ZNF521: variants seen among roughly 807,000 people sequenced by gnomAD.
ZNF521 encodes LYST-interacting protein 3.
ZNF521 carries 14 observed loss-of-function variants against 105.5 expected under a neutral mutation model. The ratio of observed to expected loss-of-function variants is 0.13; its 90% confidence interval spans 0.09 to 0.21. ZNF521 has a LOEUF of 0.21. ZNF521 is among the 10% of genes least tolerant of loss of function. The pLI, the probability that ZNF521 is intolerant of heterozygous loss-of-function variation, is 1.00. For missense variants in ZNF521, 1,233 were observed against 1,629.7 expected, an observed-to-expected ratio of 0.76 and a Z score of 4.19; for synonymous variants, 635 against 606.0, an observed-to-expected ratio of 1.05 and a Z score of -0.70.
At chr18:25,265,293 T>C (rs1430765297) in intron 3 of ZNF521, among the ~76,000 whole-genome samples, 1 of 152,180 alleles carries the variant, frequency 6.6e-6, no homozygotes, top group African/African-American at 2.4e-5. Flanking sequence ...GAGGCCAAAG[T>C]AGAAGAGGAA....
intron 5 of ZNF521, among the ~76,000 whole-genome samples, chr18:25,187,207 T>A (rs1428696339): frequency 6.6e-6 from 1 of 152,194 alleles, no homozygotes; most frequent in Non-Finnish European, 1.5e-5. Flanking sequence ...GAATATTATT[T>A]TCTTAAAGTG....
chr18:25,073,931 T>C (rs1353416538), intron 7 of ZNF521, among the ~76,000 whole-genome samples: 2 of 151,572 alleles, frequency 1.3e-5, no homozygotes, highest in Admixed American at 6.6e-5. Flanking sequence ...CTATGGCATA[T>C]GCTTTGGTAA....
In ZNF521 at chr18:25,226,097, TA is replaced by T; in HGVS notation, c.1820del (p.Leu607HisfsTer6). ...ATGTCTGCTCTATGGCCACAGGAGA[TA>T]GGGGGCTTAAGGCCCTGGATTTCTT... Reference protein sequence around the residue: ...NGKKSRALSPLSPVAIEQTSL... With the variant: ...NGKKSRALSPXSPVAIEQTSL... On this transcript the variant is annotated frameshift_variant, in exon 4 of 8. Transcript: ENST00000361524. LOFTEE classifies it high-confidence loss of function. This position sits in a 1 kb window ranked among gnomAD's most constrained non-coding sequence, Gnocchi z 4.1. The T allele has an allele frequency of 6.2e-7, 1 of 1,614,160 alleles. No individual in the cohort carries two copies. Among genetic ancestry groups the T allele is most frequent in the Non-Finnish European group, 8.5e-7 (1 of 1,180,016 alleles).
chr18:25,214,070 GAA>G (rs1173872474), intron 4 of ZNF521, among the ~76,000 whole-genome samples: 1 of 152,038 alleles, frequency 6.6e-6, no homozygotes. Context: ...AACACATAGA[GAA>G]GATATGAAAC....
rs762002802 is a variant in ZNF521 at position 25,092,035 on chromosome 18, G to A, written c.3705C>T (p.Asp1235=). The change falls in exon 6 of 8, where the codon GAC becomes GAT. Residue 1235 remains aspartate, a synonymous_variant. Transcript: ENST00000361524. ...GGTGGCACTGGAGTTTGGCAGGAGA[G>A]TCAAAGGTCTGGCTGCAGAGTTTGC... The part of the protein sequence containing the change: ...HECKLCSQTF[D]SPAKLQCHLI... 3 of 1,614,038 alleles carry A rather than the reference G, an allele frequency of 1.9e-6. No homozygotes were observed. Among genetic ancestry groups the A allele is most frequent in the Non-Finnish European group, 1.7e-6 (2 of 1,179,906 alleles).
intron 2 of ZNF521, among the ~76,000 whole-genome samples, chr18:25,330,204 G>A (rs535486858): frequency 1.1e-3 from 161 of 151,178 alleles, no homozygotes; most frequent in Admixed American, 4.3e-3. Flanking sequence ...TCACTCTGTC[G>A]CCAGGCTGGA....
At position 25,352,059 on chromosome 18, in the gene ZNF521, T is replaced by C. The variant is rs1175305261; in HGVS notation, c.-56A>G. ...CGGTAGTCCACATAATAATGGAAAA[T>C]GGAAGCAAGGCCCCCAAAGCCATCA... On this transcript the variant is annotated 5_prime_UTR_variant, in exon 1 of 8. Coordinates refer to ENST00000361524, the MANE Select transcript of ZNF521 (RefSeq NM_015461.3). The C allele has an allele frequency of 2.0e-6, 1 of 497,632 alleles. No homozygotes were observed. The allele number at this position is 497,632 out of a possible 1,614,324, so 30.8% of individuals were successfully genotyped here.
intron 3 of ZNF521, among the ~76,000 whole-genome samples, chr18:25,308,474 A>G (rs1912107620): frequency 1.3e-5 from 2 of 152,144 alleles, no homozygotes; most frequent in Non-Finnish European, 2.9e-5. Context: ...CATTTTCTAC[A>G]GCTTAAAATT....
intron 4 of ZNF521, among the ~76,000 whole-genome samples, chr18:25,210,387 T>C (rs942774665): frequency 6.6e-6 from 1 of 152,176 alleles, no homozygotes; most frequent in Non-Finnish European, 1.5e-5. Context: ...AAACTCCCCA[T>C]GCCCACAGCA....
intron 3 of ZNF521, among the ~76,000 whole-genome samples, chr18:25,265,100 T>A (rs375230917): frequency 6.6e-6 from 1 of 152,220 alleles, no homozygotes; most frequent in East Asian, 1.9e-4. Flanking sequence ...AAGTCAACTG[T>A]TATTCATGAC....
chr18:25,278,258 A>G (rs1035964794), intron 3 of ZNF521, among the ~76,000 whole-genome samples: 41 of 152,282 alleles, frequency 2.7e-4, no homozygotes, highest in Non-Finnish European at 1.8e-4. Flanking sequence ...CCGAGAATCC[A>G]ATTTCTTTCA....
rs1275288654 is a variant in ZNF521, at chr18:25,290,604, ATTCT to A, written c.220+31400_220+31403del. Among the ~76,000 whole-genome samples, 152 of 132,500 alleles carry A rather than the reference ATTCT, an allele frequency of 1.1e-3. 1 individual carries two copies. The highest frequency in any genetic ancestry group is 4.3e-3 in the African/African-American group (151 of 35,312). The allele number at this position is 132,500 out of a possible 152,430, so 86.9% of individuals were successfully genotyped here. ...CAGTGTTTGATGCACAGTAGGCCAT[ATTCT>A]TTTTTTTTTTTTTTTTTTTTGAGAC... On this transcript the variant is annotated intron_variant, in intron 3 of 7. Coordinates refer to ENST00000361524, the MANE Select transcript of ZNF521 (RefSeq NM_015461.3).
chr18:25,195,572 T>TAA (rs34511439), intron 4 of ZNF521, among the ~76,000 whole-genome samples: 4 of 150,820 alleles, frequency 2.7e-5, no homozygotes, highest in African/African-American at 4.9e-5. Flanking sequence ...ACATGCGTAT[T>TAA]AAAAAAAAAT....
chr18:25,330,322 C>A (rs1913496196), intron 2 of ZNF521, among the ~76,000 whole-genome samples: 1 of 152,070 alleles, frequency 6.6e-6, no homozygotes, highest in African/African-American at 2.4e-5. Context: ...TGCCACCATG[C>A]CCAGCTAATT....
At chr18:25,101,511 T>C (rs941045311) in intron 5 of ZNF521, among the ~76,000 whole-genome samples, 7 of 152,164 alleles carry the variant, frequency 4.6e-5, no homozygotes, top group African/African-American at 1.7e-4. Context: ...AATGTGCATG[T>C]AACAAAGTTG....
intron 3 of ZNF521, among the ~76,000 whole-genome samples, chr18:25,242,778 A>G (rs1178987185): frequency 6.6e-6 from 1 of 152,178 alleles, no homozygotes; most frequent in African/African-American, 2.4e-5. Flanking sequence ...AGAGTGGGAG[A>G]GGACAAACTG....
chr18:25,128,762 T>C (rs1268468301), intron 5 of ZNF521, among the ~76,000 whole-genome samples: 1 of 152,156 alleles, frequency 6.6e-6, no homozygotes, highest in South Asian at 2.1e-4. Context: ...ACAAGGTCTA[T>C]ATGAGATAAA....
chr18:25,277,452 G>A (rs1223754944), intron 3 of ZNF521, among the ~76,000 whole-genome samples: 3 of 152,066 alleles, frequency 2.0e-5, no homozygotes, highest in Non-Finnish European at 4.4e-5. Flanking sequence ...AATCTAACTT[G>A]GGTTTTTAAG....
intron 4 of ZNF521, among the ~76,000 whole-genome samples, chr18:25,214,927 G>C (rs1237000616): frequency 1.3e-5 from 2 of 152,098 alleles, no homozygotes; most frequent in Non-Finnish European, 1.5e-5. Context: ...AAACATATAG[G>C]AAACAGAAAC....
Sources: allele counts gnomAD v4.1 joint callset (sites outside exome capture counted in the v4.1 genomes callset), GRCh38; gene constraint gnomAD v4.1.1; non-coding constraint Gnocchi (gnomAD v3.1); transcripts MANE v1.5; gene names NCBI Gene and HGNC (gene_info 2026-07-23, HGNC 2026-07-21).